The following SCYL2 variants were observed in gnomAD, a reference collection of about 807,000 sequenced individuals.
SCYL2 encodes SCY1-like protein 2.
A neutral mutation model predicts 100.4 loss-of-function variants in SCYL2; 36 were observed. That is an observed-to-expected ratio of 0.36 (90% CI 0.27 to 0.47). SCYL2 has a LOEUF of 0.47. Among genes scored for constraint, SCYL2 ranks in the 20% least tolerant of loss-of-function variants. The pLI, the probability that SCYL2 is intolerant of heterozygous loss-of-function variation, is 1.00. For missense variants in SCYL2, 902 were observed against 1,083.9 expected, an observed-to-expected ratio of 0.83 and a Z score of 2.36; for synonymous variants, 330 against 359.2, an observed-to-expected ratio of 0.92 and a Z score of 0.92.
intron 3 of SCYL2, among the ~76,000 whole-genome samples, chr12:100,294,298 CAGA>C: frequency 7.5e-6 from 1 of 133,954 alleles, no homozygotes; most frequent in African/African-American, 2.8e-5. Flanking sequence ...GCTGGCCGGG[CAGA>C]GGGGCTCCTC....
At chr12:100,288,968 A>T (rs1407273630) in intron 2 of SCYL2, among the ~76,000 whole-genome samples, 1 of 152,178 alleles carries the variant, frequency 6.6e-6, no homozygotes, top group East Asian at 1.9e-4. Context: ...AGGCCTCCCA[A>T]AGTGCAAAGA....
At chr12:100,289,422 T>C (rs918885881) in intron 2 of SCYL2, among the ~76,000 whole-genome samples, 17 of 152,328 alleles carry the variant, frequency 1.1e-4, no homozygotes, top group South Asian at 8.3e-4. Context: ...ACATCCTCAT[T>C]TGTAAAGTTA....
At chr12:100,279,813 C>G (rs1231109752) in intron 1 of SCYL2, among the ~76,000 whole-genome samples, 1 of 152,186 alleles carries the variant, frequency 6.6e-6, no homozygotes, top group Admixed American at 6.5e-5. Context: ...ACTGATAGCT[C>G]TCTAGTTTGG....
intron 4 of SCYL2, among the ~76,000 whole-genome samples, chr12:100,303,418 T>C (rs12370660): frequency 0.15 from 22,574 of 152,204 alleles, 1,885 homozygotes; most frequent in Non-Finnish European, 0.18. Flanking sequence ...TCGGTGACTT[T>C]CAAATGGGGT....
At chr12:100,323,464 T>C (rs2096358415) in intron 10 of SCYL2, 61 bp from the exon 11 acceptor site, 1 of 993,114 alleles carries the variant, frequency 1.0e-6, no homozygotes. Context: ...CAAAACTTTG[T>C]AATATCAGAG....
rs771542550 is a variant in SCYL2 at position 100,339,049 on chromosome 12, A to G, written c.2667A>G (p.Ile889Met). 1 of 1,614,170 alleles carries G rather than the reference A, an allele frequency of 6.2e-7. No homozygotes were observed. Residue 889 changes from isoleucine (I) to methionine (M), a missense_variant, in exon 18 of 18, where the codon ATA becomes ATG. Coordinates refer to ENST00000360820, the MANE Select transcript of SCYL2 (RefSeq NM_017988.6). ...SSVMGTQMNVIGQSAFGMQGN... is the reference protein window; with the variant it reads ...SSVMGTQMNVMGQSAFGMQGN... ...TAATGGGGACACAGATGAACGTGAT[A>G]GGACAATCTGCTTTTGGTATGCAGG...
At chr12:100,273,854 A>G (rs9805092) in intron 1 of SCYL2, among the ~76,000 whole-genome samples, 6,637 of 152,318 alleles carry the variant, frequency 0.044, 165 homozygotes, top group South Asian at 0.084. Context: ...GGAGTCCCTA[A>G]AAAGAAGAAC....
At chr12:100,319,640 C>T (rs907636712) in intron 10 of SCYL2, among the ~76,000 whole-genome samples, 2 of 152,216 alleles carry the variant, frequency 1.3e-5, no homozygotes, top group Non-Finnish European at 2.9e-5. Flanking sequence ...GTGTCTCAGC[C>T]TCCCAGGTAC....
intron 1 of SCYL2, among the ~76,000 whole-genome samples, chr12:100,277,209 A>C (rs78937860): frequency 0.024 from 3,722 of 152,298 alleles, 150 homozygotes; most frequent in African/African-American, 0.084. Flanking sequence ...AACCATTTTT[A>C]GTGAATGTTA....
chr12:100,328,979 A>G (rs975809731), intron 12 of SCYL2, among the ~76,000 whole-genome samples: 1 of 152,178 alleles, frequency 6.6e-6, no homozygotes, highest in African/African-American at 2.4e-5. Context: ...TCCTAAACCA[A>G]AAGAACACAG....
intron 11 of SCYL2, 130 bp downstream of exon 11, chr12:100,323,768 A>G: frequency 2.0e-6 from 1 of 508,172 alleles, no homozygotes; most frequent in African/African-American, 2.0e-5. Context: ...ACTTGTATAT[A>G]GTACTATAAA....
intron 4 of SCYL2, among the ~76,000 whole-genome samples, chr12:100,304,892 C>G (rs1398850920): frequency 4.6e-5 from 7 of 151,420 alleles, no homozygotes; most frequent in Admixed American, 1.3e-4. Flanking sequence ...CAACAAAGAT[C>G]AAAAAAGACA....
intron 2 of SCYL2, among the ~76,000 whole-genome samples, chr12:100,287,411 A>G (rs547581162): frequency 1.3e-5 from 2 of 152,236 alleles, no homozygotes; most frequent in African/African-American, 4.8e-5. Context: ...CTCCCACCTC[A>G]GCCTCCCAAG....
chr12:100,279,287 G>A (rs954880040), intron 1 of SCYL2, among the ~76,000 whole-genome samples: 1 of 152,190 alleles, frequency 6.6e-6, no homozygotes, highest in African/African-American at 2.4e-5. Flanking sequence ...TAGGGTTCAG[G>A]CTCCTTTGAG....
rs1418105709 is a variant in SCYL2, at chr12:100,341,283, A to G, written c.*2111A>G. 1 of 152,062 alleles carries G rather than the reference A, an allele frequency of 6.6e-6. No individual in the cohort carries two copies. Among genetic ancestry groups the G allele is most frequent in the Non-Finnish European group, 1.5e-5 (1 of 67,964 alleles). The allele number at this position is 152,062 out of a possible 1,614,324, so 9.4% of individuals were successfully genotyped here. ...AAAAATAGTGCTATTTTTCAGCTTA[A>G]GTGTTCTTAAGTGAATGAAATTTTC... On this transcript the variant is annotated 3_prime_UTR_variant, in exon 18 of 18. Coordinates refer to ENST00000360820, the MANE Select transcript of SCYL2 (RefSeq NM_017988.6).
rs1036872766 is a variant in SCYL2, at chr12:100,341,263, T to C, written c.*2091T>C. 1 of 152,036 alleles carries C rather than the reference T, an allele frequency of 6.6e-6. No individual in the cohort carries two copies. Among genetic ancestry groups the C allele is most frequent in the African/African-American group, 2.4e-5 (1 of 41,416 alleles). 9.4% of individuals were successfully genotyped at this position (152,036 alleles called of 1,614,324 possible). ...CTGTTGAGAAATTGCCTCTGAAAAA[T>C]AGTGCTATTTTTCAGCTTAAGTGTT... On this transcript the variant is annotated 3_prime_UTR_variant, in exon 18 of 18. Transcript: ENST00000360820.
Position 100,339,215 on chromosome 12 carries a change from A to G in SCYL2, c.*43A>G. On this transcript the variant is annotated 3_prime_UTR_variant, in exon 18 of 18. Transcript: ENST00000360820. The stretch of plus-strand genomic sequence containing the variant: ...TTGAAGGATTATTTCAGTTTCAATC[A>G]TGGGTGAGCTGATTTACATCTTTAT... The G allele has an allele frequency of 6.4e-7, 1 of 1,559,060 alleles. No individual in the cohort carries two copies. Among genetic ancestry groups the G allele is most frequent in the East Asian group, 2.2e-5 (1 of 44,610 alleles).
chr12:100,278,567 AGTTTAAAGACCTCATTCAGTT>A (rs1199644332), intron 1 of SCYL2, among the ~76,000 whole-genome samples: 1 of 151,546 alleles, frequency 6.6e-6, no homozygotes, highest in African/African-American at 2.4e-5. Flanking sequence ...TTCGTTTAGC[AGTTTAAAGACCTCATTCAGTT>A]GTTCTTTGGC....
intron 1 of SCYL2, among the ~76,000 whole-genome samples, chr12:100,281,179 C>T (rs746126408): frequency 1.2e-4 from 18 of 151,908 alleles, no homozygotes; most frequent in Non-Finnish European, 2.4e-4. Flanking sequence ...CAGGCACATG[C>T]TGCCATTCCT....
Sources: gnomAD v4.1 joint callset for allele counts (sites outside exome capture counted in the v4.1 genomes callset) on GRCh38, gnomAD v4.1.1 for gene constraint, MANE v1.5 for transcripts, NCBI Gene and HGNC (gene_info 2026-07-23, HGNC 2026-07-21) for gene names.